Variants in STS observed in about 807,000 individuals in gnomAD.
The protein encoded by STS is steryl-sulfatase.
STS carries 7 observed loss-of-function variants against 26.8 expected under a neutral mutation model. The ratio of observed to expected loss-of-function variants is 0.26; its 90% CI spans 0.15 to 0.49. The LOEUF is 0.49. Among genes scored for constraint, STS ranks in the 20% least tolerant of loss-of-function variants. STS has a pLI of 0.98. For synonymous variants in STS, 199 were observed against 189.4 expected, an observed-to-expected ratio of 1.05 and a Z score of -0.42; for missense variants, 434 against 465.6, an observed-to-expected ratio of 0.93 and a Z score of 0.63.
Position 7,148,192 on chromosome X carries a change from A to T in STS, c.-134+109A>T, listed in dbSNP as rs867433683. The T allele has an allele frequency of 1.6e-4, 105 of 657,095 alleles. 1 individual carries two copies. In the South Asian group the frequency reaches 3.2e-3, roughly 20 times the overall value. The allele number at this position is 657,095 out of a possible 1,213,427, so 54.2% of individuals were successfully genotyped here. ...CCCGCCCCGCGCACGCGCACTGAGG[A>T]CCTTCTCGCGCGCCCGGGGTCGCTC... On this transcript the variant is annotated intron_variant, in intron 1 of 10. Transcript: ENST00000674429.
At chrX:7,346,291 A>G (rs1928520058) in intron 10 of STS, among the ~76,000 whole-genome samples, 1 of 111,118 alleles carries the variant, frequency 9.0e-6, no homozygotes, top group Non-Finnish European at 1.9e-5. Context: ...ATGGGTGATG[A>G]TTTCCTAAGC....
At chrX:7,249,273 T>C (rs1923028815) in intron 2 of STS, among the ~76,000 whole-genome samples, 1 of 110,928 alleles carries the variant, frequency 9.0e-6, no homozygotes, top group Admixed American at 9.7e-5. Flanking sequence ...AAGTGAAGTG[T>C]GCTTTTACTG....
intron 1 of STS, among the ~76,000 whole-genome samples, chrX:7,169,644 C>G (rs1332900455): frequency 5.4e-5 from 6 of 111,953 alleles, no homozygotes; most frequent in Non-Finnish European, 1.9e-5. Context: ...GTTTTAAAGT[C>G]CTCACATTAC....
At position 7,201,078 on chromosome X, in the gene STS, A is replaced by G. The variant is rs961191710; in HGVS notation, c.-5+10070A>G. 3.6e-5 allele frequency among the ~76,000 whole-genome samples: 4 copies of G among 111,289 alleles called. No individual in the cohort carries two copies. The Admixed American group carries it at 3.8e-4, about 11-fold the overall frequency. On this transcript the variant is annotated intron_variant, in intron 2 of 10. Coordinates refer to ENST00000674429, the MANE Select transcript of STS (RefSeq NM_001320752.2). Reference sequence around the variant, plus strand: ...AGATGATGGATGCATGGATAGGTAGATGGATGGATAAATAGATGGCTACAT... The same window carrying G: ...AGATGATGGATGCATGGATAGGTAGGTGGATGGATAAATAGATGGCTACAT...
intron 6 of STS, among the ~76,000 whole-genome samples, chrX:7,265,181 G>A (rs188975593): frequency 2.7e-5 from 3 of 110,873 alleles, no homozygotes; most frequent in East Asian, 5.6e-4. Context: ...ATGGAGCGGC[G>A]CTCTTGGGCC....
chrX:7,161,178 G>A (rs1933237241), intron 1 of STS, among the ~76,000 whole-genome samples: 1 of 109,034 alleles, frequency 9.2e-6, no homozygotes, highest in South Asian at 4.0e-4. Context: ...TGTTGGCCAG[G>A]CTGGTCTCGA....
rs775621517 is a variant in STS at position 7,182,322 on chromosome X, G to A, written c.-133-8558G>A. Among the ~76,000 whole-genome samples the A allele has an allele frequency of 7.3e-5, 8 of 109,813 alleles. No individual in the cohort carries two copies. The South Asian group carries it at 3.1e-3, about 43-fold the overall frequency. The stretch of plus-strand genomic sequence containing the variant: ...ACTGATAGTGTGTCCTCACGTGCAG[G>A]GTGCTGGCTTCTTCTTGAGCGAATT... On this transcript the variant is annotated intron_variant, in intron 1 of 10. Transcript: ENST00000674429.
chrX:7,315,692 A>G (rs1212547217), intron 8 of STS, among the ~76,000 whole-genome samples: 4 of 111,300 alleles, frequency 3.6e-5, no homozygotes, highest in Admixed American at 2.9e-4. Flanking sequence ...AACCTGAAGA[A>G]CTTGGAGTCT....
chrX:7,215,138 C>CAT (rs369499691), intron 2 of STS, among the ~76,000 whole-genome samples: 1,185 of 90,266 alleles, frequency 0.013, 18 homozygotes, highest in African/African-American at 0.043. Context: ...CACACACACA[C>CAT]ATATATATAT....
intron 6 of STS, among the ~76,000 whole-genome samples, chrX:7,271,591 T>A (rs1347703032): frequency 1.8e-5 from 2 of 111,052 alleles, no homozygotes; most frequent in Non-Finnish European, 3.8e-5. Context: ...AGTGCTTCCA[T>A]CTAAGCAGTA....
Position 7,322,051 on chromosome X carries a change from C to T in STS, c.1082-3288C>T, listed in dbSNP as rs1927058279. Among the ~76,000 whole-genome samples the T allele has an allele frequency of 2.7e-5, 3 of 112,626 alleles. No individual in the cohort carries two copies. In the South Asian group the frequency reaches 1.1e-3, roughly 41 times the overall value. On this transcript the variant is annotated intron_variant, in intron 8 of 10. Coordinates refer to ENST00000674429, the MANE Select transcript of STS (RefSeq NM_001320752.2). The stretch of plus-strand genomic sequence containing the variant: ...TTTGCTAAAAATCAGCTGACAAAGG[C>T]AACTGAGAAAAGGCACACAAATTTA...
At chrX:7,203,745 A>G (rs1024574485) in intron 2 of STS, among the ~76,000 whole-genome samples, 3 of 110,916 alleles carry the variant, frequency 2.7e-5, no homozygotes, top group Non-Finnish European at 5.7e-5. Context: ...CTATACAAAC[A>G]TATGCATATG....
intron 8 of STS, among the ~76,000 whole-genome samples, chrX:7,323,982 C>T (rs1457714906): frequency 8.9e-6 from 1 of 111,872 alleles, no homozygotes; most frequent in Non-Finnish European, 1.9e-5. Flanking sequence ...GAGTCAGACT[C>T]TGTAAAACGT....
intron 2 of STS, among the ~76,000 whole-genome samples, chrX:7,250,513 A>G (rs1378119856): frequency 9.0e-6 from 1 of 111,589 alleles, no homozygotes; most frequent in Non-Finnish European, 1.9e-5. Flanking sequence ...TTGTGATGGC[A>G]TTGTATAACT....
intron 2 of STS, among the ~76,000 whole-genome samples, chrX:7,202,942 C>G (rs1383373559): frequency 9.0e-6 from 1 of 111,032 alleles, no homozygotes; most frequent in Non-Finnish European, 1.9e-5. Flanking sequence ...CTATCCATCT[C>G]TGTCTCTCGC....
At chrX:7,300,048 A>T (rs991274930) in intron 7 of STS, among the ~76,000 whole-genome samples, 2 of 111,757 alleles carry the variant, frequency 1.8e-5, no homozygotes, top group Non-Finnish European at 1.9e-5. Context: ...GAATGACAGA[A>T]CTTTCTAGAA....
intron 2 of STS, among the ~76,000 whole-genome samples, chrX:7,200,954 G>C (rs867033119): frequency 9.3e-6 from 1 of 107,422 alleles, no homozygotes; most frequent in African/African-American, 3.4e-5. Context: ...GGTTAGATGG[G>C]TGGATGGATG....
At chrX:7,266,131 A>T (rs1264427171) in intron 6 of STS, among the ~76,000 whole-genome samples, 1 of 108,091 alleles carries the variant, frequency 9.3e-6, no homozygotes, top group East Asian at 2.9e-4. Flanking sequence ...TTTCAAATTT[A>T]AAAATTTCCA....
At chrX:7,220,658 C>T (rs1233726253) in intron 2 of STS, among the ~76,000 whole-genome samples, 1 of 106,227 alleles carries the variant, frequency 9.4e-6, no homozygotes, top group Non-Finnish European at 1.9e-5. Context: ...ACGCCATTCT[C>T]CTGCCTCAGC....
Sources: allele counts gnomAD v4.1 joint callset (sites outside exome capture counted in the v4.1 genomes callset), GRCh38; gene constraint gnomAD v4.1.1; transcripts MANE v1.5; gene names NCBI Gene and HGNC (gene_info 2026-07-23, HGNC 2026-07-21).